Variants in DET1 observed in about 807,000 individuals in gnomAD.
The protein encoded by DET1 is DET1 partner of COP1 E3 ubiquitin ligase.
In DET1, 22 loss-of-function variants were observed where a neutral mutation model predicts 43.7. The ratio of observed to expected loss-of-function variants is 0.50; its 90% CI spans 0.36 to 0.72. The LOEUF (loss-of-function observed/expected upper bound fraction) is 0.72, where lower values mean the gene tolerates loss of function less well. DET1 is among the 30% of genes least tolerant of loss of function. The probability of loss-of-function intolerance (pLI) is 0.00; values close to 1 mark genes in which losing one functional copy is unlikely to be tolerated. For synonymous variants in DET1, 315 were observed against 266.2 expected, an observed-to-expected ratio of 1.18 and a Z score of -1.79; for missense variants, 713 against 713.3, an observed-to-expected ratio of 1.00 and a Z score of 0.00.
At chr15:88,513,248 A>G (rs2056242476) in intron 4 of DET1, 108 bp from the exon 5 acceptor site, 2 of 1,198,864 alleles carry the variant, frequency 1.7e-6, no homozygotes, top group Non-Finnish European at 2.3e-6. Context: ...ATTTTACCTT[A>G]TTAATGAAAT....
Position 88,531,333 on chromosome 15 carries a change from A to G in DET1, c.373T>C (p.Phe125Leu). 1 of 1,613,978 alleles carries G rather than the reference A, an allele frequency of 6.2e-7. No individual in the cohort carries two copies. Among genetic ancestry groups the G allele is most frequent in the Non-Finnish European group, 8.5e-7 (1 of 1,179,874 alleles). The change falls in exon 2 of 5, where the codon TTT becomes CTT. Residue 125 changes from phenylalanine to leucine, a missense_variant. Physicochemically the swap from Phe to Leu is conservative, Grantham distance 22 (BLOSUM62 0). Coordinates refer to ENST00000268148, the MANE Select transcript of DET1 (RefSeq NM_001144074.3). The surrounding 1 kb of genome is among the most constrained non-coding windows in gnomAD (Gnocchi z 6.2). ...NIRGRLFERF[F>L]VLLHITNVAA... ...ACATTGGTAATGTGCAGCAGGACAA[A>G]AAAGCGTTCAAAGAGCCGGCCCCGG...
At chr15:88,507,513 T>C (rs1325019636), downstream of DET1, among the ~76,000 whole-genome samples, 1 of 152,256 alleles carries the variant, frequency 6.6e-6, no homozygotes, top group African/African-American at 2.4e-5. Flanking sequence ...ACTCTAGGGA[T>C]GTCCCCTGAG....
chr15:88,515,011 C>T (rs919173073), intron 4 of DET1, among the ~76,000 whole-genome samples: 7 of 152,090 alleles, frequency 4.6e-5, no homozygotes, highest in Admixed American at 6.5e-5. Context: ...AACACATAGC[C>T]TTACTCCCAC....
At chr15:88,542,838 C>G (rs749000339) in intron 1 of DET1, among the ~76,000 whole-genome samples, 1 of 152,126 alleles carries the variant, frequency 6.6e-6, no homozygotes, top group African/African-American at 2.4e-5. Context: ...TAGGAAAAGA[C>G]CAATGTGCCT....
At chr15:88,523,882 G>A (rs1265943033) in intron 3 of DET1, among the ~76,000 whole-genome samples, 2 of 151,704 alleles carry the variant, frequency 1.3e-5, no homozygotes, top group South Asian at 2.1e-4. Context: ...AGTGAGGAGC[G>A]TCTCTGCCTG....
downstream of DET1, among the ~76,000 whole-genome samples, chr15:88,509,109 C>T (rs541959556): frequency 6.6e-6 from 1 of 152,158 alleles, no homozygotes; most frequent in Non-Finnish European, 1.5e-5. Flanking sequence ...GAGTTCCCAC[C>T]TGATTCTATT....
In DET1 at chr15:88,531,735, A is replaced by G. The variant is rs760021374; in HGVS notation, c.-10-20T>C. ...ACATCTCTAAACAGAAAAGTAAAGC[A>G]GAAGTCAAGAAAGTGAAACAGAATT... On this transcript the variant is annotated intron_variant, in intron 1 of 4. Transcript: ENST00000268148. The surrounding 1 kb of genome is among the most constrained non-coding windows in gnomAD (Gnocchi z 6.2). 42 of 1,572,956 alleles carry G rather than the reference A, an allele frequency of 2.7e-5. No individual in the cohort carries two copies. Among genetic ancestry groups the G allele is most frequent in the Non-Finnish European group, 3.5e-5 (41 of 1,158,846 alleles).
chr15:88,531,134 T>C lies in DET1; in HGVS notation c.572A>G (p.Tyr191Cys). The C allele has an allele frequency of 5.6e-6, 9 of 1,613,840 alleles. No homozygotes were observed. The highest frequency in any genetic ancestry group is 1.3e-5 in the African/African-American group (1 of 74,998). ...GTGAAGGTCAATGATATGGAGGGAA[T>C]AGTCTTCTAGAGGGGACCGTGGGTT... ...TPNPRSPLED[Y>C]SLHIIDLHTG... The change falls in exon 2 of 5, where the codon TAT becomes TGT. Residue 191 changes from tyrosine (Y) to cysteine (C), a missense_variant. Transcript: ENST00000268148. The surrounding 1 kb of genome is among the most constrained non-coding windows in gnomAD (Gnocchi z 6.2).
chr15:88,531,378 C>T lies in DET1; in HGVS notation c.328G>A (p.Asp110Asn). 1.2e-6 allele frequency: 2 copies of T among 1,614,030 alleles called. No homozygotes were observed. The highest frequency in any genetic ancestry group is 1.7e-6 in the Non-Finnish European group (2 of 1,179,894). ...CCCCGGATATTCACTGACCGCTGGTCATTGCCATTGGACAGGATTTCTCCT... is the reference window on the plus strand; with the variant it reads ...CCCCGGATATTCACTGACCGCTGGTTATTGCCATTGGACAGGATTTCTCCT... Reference protein sequence around the residue: ...YEGEILSNGNDQRSVNIRGRL... With the variant: ...YEGEILSNGNNQRSVNIRGRL... The change falls in exon 2 of 5, where the codon GAC becomes AAC. Residue 110 changes from aspartate (D) to asparagine (N), a missense_variant. Coordinates refer to ENST00000268148, the MANE Select transcript of DET1 (RefSeq NM_001144074.3). This position sits in a 1 kb window ranked among gnomAD's most constrained non-coding sequence, Gnocchi z 6.2.
At chr15:88,508,415 T>A (rs2056164308), downstream of DET1, among the ~76,000 whole-genome samples, 1 of 152,184 alleles carries the variant, frequency 6.6e-6, no homozygotes. Context: ...AATTTCCTTA[T>A]TGTTTAAGCC....
Position 88,513,099 on chromosome 15 carries a change from T to A in DET1, c.1505A>T (p.Gln502Leu). 6.2e-7 allele frequency: 1 copy of A among 1,613,840 alleles called. No individual in the cohort carries two copies. Among genetic ancestry groups the A allele is most frequent in the Middle Eastern group, 1.6e-4 (1 of 6,062 alleles). ...GATGGGGCGGCCCAATAACCCCGCC[T>A]GGATCTCAAACTTGAGCAGGCCCGA... is the stretch of plus-strand genomic sequence containing the variant. ...RDSGLLKFEI[Q>L]AGLLGRPINH... Residue 502 changes from glutamine to leucine, a missense_variant, in exon 5 of 5, where the codon CAG (glutamine) becomes CTG (leucine). Gln to Leu is a moderately radical substitution (Grantham distance 113, BLOSUM62 -2). Transcript: ENST00000268148.
At position 88,518,041 on chromosome 15, in the gene DET1, C is replaced by T. The variant is rs562302348; in HGVS notation, c.1272-1068G>A. Reference sequence around the variant, plus strand: ...AACCTCCACCTCTCCTGGGCTCAAGCAATCCTCCTACCTCAGCTTCCCAAG... The same window carrying T: ...AACCTCCACCTCTCCTGGGCTCAAGTAATCCTCCTACCTCAGCTTCCCAAG... On this transcript the variant is annotated intron_variant, in intron 3 of 4. Coordinates refer to ENST00000268148, the MANE Select transcript of DET1 (RefSeq NM_001144074.3). 6.6e-5 allele frequency among the ~76,000 whole-genome samples: 10 copies of T among 152,020 alleles called. No individual in the cohort carries two copies. The East Asian group carries it at 1.2e-3, about 18-fold the overall frequency.
chr15:88,523,729 G>A (rs916971174), intron 3 of DET1, among the ~76,000 whole-genome samples: 12 of 152,228 alleles, frequency 7.9e-5, no homozygotes, highest in South Asian at 2.1e-4. Context: ...ACAGAGTCTC[G>A]CTCACTCAGT....
At chr15:88,511,440 T>C (rs542622909), downstream of DET1, 1 of 985,540 alleles carries the variant, frequency 1.0e-6, no homozygotes, top group East Asian at 1.1e-4. Flanking sequence ...ACCATTTTCA[T>C]ACTTCCATGC....
In DET1 at chr15:88,531,320, T is replaced by C; in HGVS notation, c.386A>G (p.His129Arg). ...RLFERFFVLLHITNVAANGEH... is the reference protein window; with the variant it reads ...RLFERFFVLLRITNVAANGEH... ...ACCATTGGCCGCAACATTGGTAATG[T>C]GCAGCAGGACAAAAAAGCGTTCAAA... is the stretch of plus-strand genomic sequence containing the variant. The change falls in exon 2 of 5, where the codon CAC (histidine) becomes CGC (arginine). Residue 129 changes from histidine (H) to arginine (R), a missense_variant. Transcript: ENST00000268148. This position sits in a 1 kb window ranked among gnomAD's most constrained non-coding sequence, Gnocchi z 6.2. The C allele has an allele frequency of 1.2e-6, 2 of 1,614,010 alleles. No individual in the cohort carries two copies. Among genetic ancestry groups the C allele is most frequent in the Non-Finnish European group, 1.7e-6 (2 of 1,179,882 alleles).
chr15:88,519,002 T>G (rs145655712), intron 3 of DET1, among the ~76,000 whole-genome samples: 207 of 152,250 alleles, frequency 1.4e-3, no homozygotes, highest in African/African-American at 4.6e-3. Context: ...TCATTTGAGC[T>G]GAAATAAAAG....
chr15:88,523,332 A>C (rs952812134), intron 3 of DET1, among the ~76,000 whole-genome samples: 2 of 152,046 alleles, frequency 1.3e-5, no homozygotes, highest in Admixed American at 1.3e-4. Context: ...ATTTTTACCA[A>C]AAGATTGCTG....
chr15:88,545,046 C>A (rs1320985372), intron 1 of DET1, among the ~76,000 whole-genome samples: 4 of 152,086 alleles, frequency 2.6e-5, no homozygotes, highest in Admixed American at 2.6e-4. Flanking sequence ...CACCCTGACG[C>A]TAGCTGTCGA....
intron 4 of DET1, among the ~76,000 whole-genome samples, chr15:88,513,831 GCT>G: frequency 8.6e-6 from 1 of 115,866 alleles, no homozygotes; most frequent in East Asian, 2.5e-4. Flanking sequence ...ACGGAGTCTC[GCT>G]CTGTCGCCCA....
Sources: gnomAD v4.1 joint callset for allele counts (sites outside exome capture counted in the v4.1 genomes callset) on GRCh38, gnomAD v4.1.1 for gene constraint, Gnocchi (gnomAD v3.1) non-coding constraint, MANE v1.5 for transcripts, NCBI Gene and HGNC (gene_info 2026-07-23, HGNC 2026-07-21) for gene names.